Variants in ANKS1B observed in about 807,000 individuals in gnomAD.
ANKS1B encodes ankyrin repeat and sterile alpha motif domain containing 1B.
A neutral mutation model predicts 148.3 loss-of-function variants in ANKS1B; 36 were observed. The observed-to-expected ratio is 0.24, with a 90% CI of 0.19 to 0.32. The LOEUF (loss-of-function observed/expected upper bound fraction) is 0.32, where lower values mean the gene tolerates loss of function less well. ANKS1B is among the 10% of genes least tolerant of loss of function. The pLI, the probability that ANKS1B is intolerant of heterozygous loss-of-function variation, is 1.00. For missense variants in ANKS1B, 1,157 were observed against 1,542.6 expected (o/e 0.75, Z 4.19); for synonymous variants, 542 against 560.8 (o/e 0.97, Z 0.47).
intron 8 of ANKS1B, among the ~76,000 whole-genome samples, chr12:99,668,009 T>C (rs1832134166): frequency 6.6e-6 from 1 of 152,204 alleles, no homozygotes; most frequent in Admixed American, 6.5e-5. Context: ...TTTCCATTTG[T>C]GAAATGTCTT....
At chr12:99,221,339 CAAAAT>C (rs911301396) in intron 14 of ANKS1B, among the ~76,000 whole-genome samples, 48 of 151,786 alleles carry the variant, frequency 3.2e-4, no homozygotes, top group South Asian at 2.1e-4. Flanking sequence ...GACTCCATCT[CAAAAT>C]AAAATAAAAT....
At chr12:99,127,914 A>C (rs2064891913) in intron 15 of ANKS1B, among the ~76,000 whole-genome samples, 2 of 152,356 alleles carry the variant, frequency 1.3e-5, no homozygotes, top group South Asian at 4.1e-4. Flanking sequence ...TATTTTGAAA[A>C]GATACATAAA....
At chr12:99,068,750 T>C (rs1204119804) in intron 16 of ANKS1B, among the ~76,000 whole-genome samples, 1 of 147,574 alleles carries the variant, frequency 6.8e-6, no homozygotes, top group Non-Finnish European at 1.5e-5. Flanking sequence ...GGAGGGTGAA[T>C]ATGGACATCC....
At chr12:99,187,086 C>A (rs1423074724) in intron 14 of ANKS1B, among the ~76,000 whole-genome samples, 1 of 151,546 alleles carries the variant, frequency 6.6e-6, no homozygotes, top group Non-Finnish European at 1.5e-5. Context: ...GAAAGGATAT[C>A]AGAGATTGAA....
intron 17 of ANKS1B, among the ~76,000 whole-genome samples, chr12:99,010,554 A>T (rs1432608415): frequency 6.6e-6 from 1 of 152,168 alleles, no homozygotes; most frequent in Admixed American, 6.5e-5. Context: ...TGAAATAGGT[A>T]TTACAATATC....
chr12:99,177,346 CT>C (rs561159058), intron 14 of ANKS1B, among the ~76,000 whole-genome samples: 4 of 151,992 alleles, frequency 2.6e-5, no homozygotes, highest in Admixed American at 6.5e-5. Context: ...ATGACATAAA[CT>C]TTTTTTTATG....
At chr12:99,931,555 AAGG>A (rs1344094839) in intron 1 of ANKS1B, among the ~76,000 whole-genome samples, 2 of 152,160 alleles carry the variant, frequency 1.3e-5, no homozygotes, top group Non-Finnish European at 2.9e-5. Context: ...AGTCTATATT[AAGG>A]AGAACATTTT....
rs1019608102 is a variant in ANKS1B at position 99,529,154 on chromosome 12, C to A, written c.1273-24513G>T. Among the ~76,000 whole-genome samples the A allele has an allele frequency of 9.9e-5, 15 of 152,118 alleles. No homozygotes were observed. In the East Asian group the frequency reaches 2.5e-3, roughly 25 times the overall value. ...ATGCAACTGAAAACATGCCAAATGT[C>A]AGGTAAAACTAAATAGGAACCACCT... On this transcript the variant is annotated intron_variant, in intron 9 of 26. Coordinates refer to ENST00000683438, the MANE Select transcript of ANKS1B (RefSeq NM_001352186.2).
intron 10 of ANKS1B, among the ~76,000 whole-genome samples, chr12:99,470,453 C>A (rs1209643464): frequency 6.6e-6 from 1 of 152,058 alleles, no homozygotes; most frequent in South Asian, 2.1e-4. Context: ...TACTATCACA[C>A]TTCAATCTAA....
intron 17 of ANKS1B, among the ~76,000 whole-genome samples, chr12:98,893,315 C>CGTCA (rs1414030910): frequency 6.6e-6 from 1 of 152,130 alleles, no homozygotes; most frequent in Non-Finnish European, 1.5e-5. Flanking sequence ...ATCACAGAGC[C>CGTCA]GTCAACATTA....
chr12:99,746,038 T>C (rs924426301), intron 8 of ANKS1B, among the ~76,000 whole-genome samples: 1 of 152,118 alleles, frequency 6.6e-6, no homozygotes, highest in African/African-American at 2.4e-5. Context: ...CTACCAGTAA[T>C]AACAAAAAGA....
At chr12:99,236,319 G>A (rs2153957683) in intron 14 of ANKS1B, among the ~76,000 whole-genome samples, 1 of 152,268 alleles carries the variant, frequency 6.6e-6, no homozygotes, top group Non-Finnish European at 1.5e-5. Context: ...TACTACCTGA[G>A]ACTGGGTTAT....
chr12:98,877,322 G>A (rs373848477), intron 17 of ANKS1B, among the ~76,000 whole-genome samples: 16 of 152,200 alleles, frequency 1.1e-4, no homozygotes, highest in African/African-American at 2.9e-4. Flanking sequence ...CTCTCCAAAC[G>A]TACTGCTGCC....
At chr12:99,559,603 T>C (rs1371393090) in intron 9 of ANKS1B, among the ~76,000 whole-genome samples, 1 of 152,218 alleles carries the variant, frequency 6.6e-6, no homozygotes, top group Non-Finnish European at 1.5e-5. Context: ...CTTGATGATT[T>C]ATAGCTATAT....
intron 21 of ANKS1B, 113 bp downstream of exon 21, chr12:98,800,884 A>T: frequency 3.1e-6 from 4 of 1,293,080 alleles, no homozygotes; most frequent in Non-Finnish European, 4.1e-6. Context: ...CATTTTAAAA[A>T]TTTCAGTGAT....
intron 11 of ANKS1B, among the ~76,000 whole-genome samples, chr12:99,431,310 A>G (rs2095366529): frequency 3.9e-5 from 6 of 152,154 alleles, no homozygotes; most frequent in Admixed American, 3.9e-4. Context: ...GACAGTGTGT[A>G]GATACCACTC....
chr12:99,111,082 C>G (rs2060192889), intron 15 of ANKS1B, among the ~76,000 whole-genome samples: 1 of 152,178 alleles, frequency 6.6e-6, no homozygotes, highest in South Asian at 2.1e-4. Flanking sequence ...ATAACCATGG[C>G]TTATATTCCA....
At chr12:99,670,078 C>A (rs1418025441) in intron 8 of ANKS1B, among the ~76,000 whole-genome samples, 1 of 147,762 alleles carries the variant, frequency 6.8e-6, no homozygotes, top group African/African-American at 2.5e-5. Flanking sequence ...TTTGACAAAA[C>A]CTTTAAAGGT....
chr12:98,745,218 C>G lies in ANKS1B; in HGVS notation c.*521G>C. On this transcript the variant is annotated 3_prime_UTR_variant, in exon 27 of 27. Transcript: ENST00000683438. Reference sequence around the variant, plus strand: ...ACAGAATCTCCTGGCAATCATATCACGGGAGTTGTTTTTGTCCTTTTGCAT... The same window carrying G: ...ACAGAATCTCCTGGCAATCATATCAGGGGAGTTGTTTTTGTCCTTTTGCAT... The G allele has an allele frequency of 1.0e-6, 1 of 985,616 alleles. No homozygotes were observed. The highest frequency in any genetic ancestry group is 1.2e-6 in the Non-Finnish European group (1 of 829,898). The allele number at this position is 985,616 out of a possible 1,614,324, so 61.1% of individuals were successfully genotyped here. A position where few individuals can be genotyped will look rare whatever the true frequency, so the allele number is the denominator to read the frequency against.
Sources: gnomAD v4.1 joint callset for allele counts (sites outside exome capture counted in the v4.1 genomes callset) on GRCh38, gnomAD v4.1.1 for gene constraint, MANE v1.5 for transcripts, NCBI Gene and HGNC (gene_info 2026-07-23, HGNC 2026-07-21) for gene names.